The following NTNG1 variants were observed in gnomAD, a reference collection of about 807,000 sequenced individuals.
NTNG1 encodes netrin-G1.
A neutral mutation model predicts 54.0 loss-of-function variants in NTNG1; 16 were observed. The observed-to-expected ratio is 0.30, with a 90% CI of 0.20 to 0.45. NTNG1 has a LOEUF of 0.45. NTNG1 is among the 20% of genes least tolerant of loss of function. The pLI, the probability that NTNG1 is intolerant of heterozygous loss-of-function variation, is 1.00. For missense variants in NTNG1, 530 were observed against 678.7 expected (o/e 0.78, Z 2.43); for synonymous variants, 255 against 263.1 (o/e 0.97, Z 0.30).
intron 7 of NTNG1, among the ~76,000 whole-genome samples, chr1:107,443,138 T>C (rs1015556038): frequency 1.3e-5 from 2 of 152,112 alleles, no homozygotes; most frequent in African/African-American, 4.8e-5. Context: ...ACCACACTCA[T>C]GCAGCAGAGG....
intron 2 of NTNG1, among the ~76,000 whole-genome samples, chr1:107,175,499 C>A (rs950645155): frequency 7.9e-5 from 12 of 152,130 alleles, no homozygotes; most frequent in African/African-American, 2.9e-4. Flanking sequence ...CTTCAGCTCT[C>A]ATTTCAACGG....
chr1:107,214,790 A>ATTT (rs58247179), intron 2 of NTNG1, among the ~76,000 whole-genome samples: 6 of 146,556 alleles, frequency 4.1e-5, no homozygotes, highest in South Asian at 2.2e-4. Flanking sequence ...CCATGCCATC[A>ATTT]TTTTTTTTTT....
intron 2 of NTNG1, among the ~76,000 whole-genome samples, chr1:107,261,498 T>C (rs529536487): frequency 1.3e-5 from 2 of 152,236 alleles, no homozygotes; most frequent in South Asian, 2.1e-4. Flanking sequence ...TTATAATTAA[T>C]ATTTTACTTT....
intron 2 of NTNG1, among the ~76,000 whole-genome samples, chr1:107,313,242 G>C (rs1007415500): frequency 7.2e-5 from 11 of 152,126 alleles, no homozygotes; most frequent in Non-Finnish European, 8.8e-5. Flanking sequence ...AGATTTGTCT[G>C]GTATTTCCTC....
chr1:107,144,406 C>T (rs977426340), intron 1 of NTNG1, among the ~76,000 whole-genome samples: 4 of 152,028 alleles, frequency 2.6e-5, no homozygotes, highest in Non-Finnish European at 5.9e-5. Context: ...TAGCTTACTA[C>T]CACCATTCCC....
intron 3 of NTNG1, among the ~76,000 whole-genome samples, chr1:107,365,495 A>G (rs1449464897): frequency 2.6e-5 from 4 of 152,172 alleles, no homozygotes; most frequent in Non-Finnish European, 5.9e-5. Context: ...ACACATGAAT[A>G]TATATATTCA....
At chr1:107,376,677 A>G (rs1048574597) in intron 3 of NTNG1, among the ~76,000 whole-genome samples, 1 of 152,026 alleles carries the variant, frequency 6.6e-6, no homozygotes, top group Non-Finnish European at 1.5e-5. Flanking sequence ...AGTTTCTTAC[A>G]TGCTTTTCTC....
At chr1:107,201,915 A>T (rs888631444) in intron 2 of NTNG1, among the ~76,000 whole-genome samples, 1 of 151,792 alleles carries the variant, frequency 6.6e-6, no homozygotes, top group African/African-American at 2.4e-5. Flanking sequence ...GATCCTTCAC[A>T]TTTGTAAGAG....
At chr1:107,322,176 C>G (rs1242762661) in intron 2 of NTNG1, among the ~76,000 whole-genome samples, 1 of 152,066 alleles carries the variant, frequency 6.6e-6, no homozygotes, top group African/African-American at 2.4e-5. Context: ...TCATGTGGCC[C>G]CAGTGCCCTA....
rs368327323 is a variant in NTNG1, at chr1:107,336,193, T to G, written c.887+11271T>G. Among the ~76,000 whole-genome samples, 28 of 151,584 alleles carry G rather than the reference T, an allele frequency of 1.8e-4. No individual in the cohort carries two copies. The East Asian group carries it at 3.9e-3, about 21-fold the overall frequency. On this transcript the variant is annotated intron_variant, in intron 3 of 7. Coordinates refer to ENST00000370068, the MANE Select transcript of NTNG1 (RefSeq NM_001113226.3). ...GTTTTTATGTTGTTGTTCTTTTTTT[T>G]TTTTTAATTTCAAAACTTACTACAA...
chr1:107,329,302 G>A (rs1173285929), intron 3 of NTNG1, among the ~76,000 whole-genome samples: 1 of 152,118 alleles, frequency 6.6e-6, no homozygotes, highest in African/African-American at 2.4e-5. Context: ...ATGACTAGGT[G>A]CCAGGAGTGA....
intron 3 of NTNG1, among the ~76,000 whole-genome samples, chr1:107,389,186 G>C (rs796147910): frequency 6.6e-4 from 101 of 152,346 alleles, no homozygotes; most frequent in African/African-American, 2.3e-3. Flanking sequence ...GGGCCCCGAA[G>C]CTAAACTTCA....
At chr1:107,193,437 C>A (rs1382865694) in intron 2 of NTNG1, among the ~76,000 whole-genome samples, 1 of 152,036 alleles carries the variant, frequency 6.6e-6, no homozygotes, top group African/African-American at 2.4e-5. Context: ...GTCCTCATAA[C>A]TCATTATTCT....
At chr1:107,463,054 A>G (rs1376206467) in intron 7 of NTNG1, among the ~76,000 whole-genome samples, 1 of 152,218 alleles carries the variant, frequency 6.6e-6, no homozygotes, top group Non-Finnish European at 1.5e-5. Context: ...CTATCAAACA[A>G]ACCAGGAAAG....
intron 2 of NTNG1, among the ~76,000 whole-genome samples, chr1:107,274,625 G>A (rs1021049501): frequency 1.3e-4 from 20 of 152,320 alleles, no homozygotes; most frequent in African/African-American, 4.1e-4. Context: ...AAGAGAATGT[G>A]TAACCATGTA....
At chr1:107,320,392 T>C (rs913111863) in intron 2 of NTNG1, among the ~76,000 whole-genome samples, 1 of 152,152 alleles carries the variant, frequency 6.6e-6, no homozygotes, top group Non-Finnish European at 1.5e-5. Context: ...AAGTGTACTT[T>C]GTTTTTGTAA....
chr1:107,199,129 C>A (rs185108897), intron 2 of NTNG1, among the ~76,000 whole-genome samples: 2 of 151,374 alleles, frequency 1.3e-5, no homozygotes, highest in Non-Finnish European at 3.0e-5. Context: ...AAAAGTGCAC[C>A]CTTCTTTTAG....
chr1:107,370,062 T>C (rs1326997369), intron 3 of NTNG1, among the ~76,000 whole-genome samples: 1 of 152,084 alleles, frequency 6.6e-6, no homozygotes. Flanking sequence ...CTGGATGCTA[T>C]ATTCCGTTCT....
intron 2 of NTNG1, among the ~76,000 whole-genome samples, chr1:107,283,186 A>G (rs28712139): frequency 4.6e-5 from 7 of 152,282 alleles, no homozygotes; most frequent in African/African-American, 1.7e-4. Context: ...AGTCTTTCCC[A>G]GAGATAACCT....
Sources: allele counts gnomAD v4.1 joint callset (sites outside exome capture counted in the v4.1 genomes callset), GRCh38; gene constraint gnomAD v4.1.1; transcripts MANE v1.5; gene names NCBI Gene and HGNC (gene_info 2026-07-23, HGNC 2026-07-21).